Variants in EPC2 observed in about 807,000 individuals in gnomAD.
EPC2 encodes the protein enhancer of polycomb 2, also known as enhancer of polycomb homolog 2.
Under a neutral mutation model 92.1 loss-of-function variants are expected in EPC2, and 14 were observed. The observed-to-expected ratio is 0.15, with a 90% CI of 0.10 to 0.24. The LOEUF (loss-of-function observed/expected upper bound fraction) is 0.24. Among genes scored for constraint, EPC2 ranks in the 10% least tolerant of loss-of-function variants. The pLI, the probability that EPC2 is intolerant of heterozygous loss-of-function variation, is 1.00. For synonymous variants in EPC2, 340 were observed against 334.7 expected (o/e 1.02, Z -0.17); for missense variants, 755 against 971.5 (o/e 0.78, Z 2.96).
intron 2 of EPC2, among the ~76,000 whole-genome samples, chr2:148,707,727 A>G (rs1171025631): frequency 6.6e-6 from 1 of 152,226 alleles, no homozygotes; most frequent in Non-Finnish European, 1.5e-5. Context: ...TGGAAACTGA[A>G]CAACCTGCTC....
intron 1 of EPC2, among the ~76,000 whole-genome samples, chr2:148,673,102 C>G (rs1469018351): frequency 6.6e-6 from 1 of 152,144 alleles, no homozygotes; most frequent in Non-Finnish European, 1.5e-5. Context: ...TTTTCTCTTA[C>G]TTTCAAGATT....
At chr2:148,722,610 C>T (rs755607854) in intron 2 of EPC2, among the ~76,000 whole-genome samples, 1 of 152,112 alleles carries the variant, frequency 6.6e-6, no homozygotes, top group Non-Finnish European at 1.5e-5. Context: ...GTGGAAGCAG[C>T]GTAGCGATTT....
chr2:148,691,441 A>G (rs1681642151), intron 2 of EPC2: 2 of 1,398,486 alleles, frequency 1.4e-6, no homozygotes, highest in South Asian at 2.5e-5. Flanking sequence ...GTATTTTTAA[A>G]GAGTTCCCTG....
intron 1 of EPC2, among the ~76,000 whole-genome samples, chr2:148,676,526 A>C (rs945527958): frequency 6.6e-6 from 1 of 152,156 alleles, no homozygotes; most frequent in African/African-American, 2.4e-5. Flanking sequence ...CACAGAAAAA[A>C]ATAACAATCA....
rs561820060 is a variant in EPC2, at chr2:148,767,622, A to G, written c.1141-1529A>G. 3.9e-5 allele frequency among the ~76,000 whole-genome samples: 6 copies of G among 152,346 alleles called. No individual in the cohort carries two copies. In the East Asian group the frequency reaches 5.8e-4, roughly 15 times the overall value. ...AAGTAATCATATTTTTCTTTGTCTA[A>G]TAAACCAAGAACAAGGAATAGGGAG... is the stretch of plus-strand genomic sequence containing the variant. On this transcript the variant is annotated intron_variant, in intron 7 of 13. Transcript: ENST00000258484.
chr2:148,706,187 G>A (rs1007713254), intron 2 of EPC2, among the ~76,000 whole-genome samples: 2 of 152,134 alleles, frequency 1.3e-5, no homozygotes, highest in African/African-American at 2.4e-5. Flanking sequence ...ACCATGGCAC[G>A]AGAGCTTCGT....
At chr2:148,659,501 T>C (rs960354267) in intron 1 of EPC2, among the ~76,000 whole-genome samples, 8 of 152,170 alleles carry the variant, frequency 5.3e-5, no homozygotes, top group African/African-American at 9.6e-5. Context: ...ATTTTACTTA[T>C]TGATACTTTG....
chr2:148,786,197 T>C lies in EPC2; in HGVS notation c.2352-108T>C, dbSNP rs947216042. The C allele has an allele frequency of 7.8e-6, 7 of 894,024 alleles. No individual in the cohort carries two copies. In the African/African-American group the frequency reaches 1.2e-4, roughly 15 times the overall value. 55.4% of individuals were successfully genotyped at this position (894,024 alleles called of 1,614,324 possible). Reference sequence around the variant, plus strand: ...AAAAATGGGAATTGTTCTTGTGAAGTCATGTTTAGTTGTAATTATGTAACA... The same window carrying C: ...AAAAATGGGAATTGTTCTTGTGAAGCCATGTTTAGTTGTAATTATGTAACA... On this transcript the variant is annotated intron_variant, in intron 13 of 13. Coordinates refer to ENST00000258484, the MANE Select transcript of EPC2 (RefSeq NM_015630.4).
chr2:148,782,579 G>GA (rs1223439864), intron 11 of EPC2, among the ~76,000 whole-genome samples: 1 of 151,736 alleles, frequency 6.6e-6, no homozygotes, highest in Non-Finnish European at 1.5e-5. Flanking sequence ...TTAAAATGAA[G>GA]AAGAAAATTG....
At chr2:148,726,966 A>G (rs2105394885) in intron 2 of EPC2, among the ~76,000 whole-genome samples, 1 of 151,170 alleles carries the variant, frequency 6.6e-6, no homozygotes, top group South Asian at 2.1e-4. Flanking sequence ...TTTCTTTGTT[A>G]CTGGTGCTTT....
intron 4 of EPC2, among the ~76,000 whole-genome samples, chr2:148,756,572 T>G (rs1483144213): frequency 6.6e-6 from 1 of 152,254 alleles, no homozygotes; most frequent in Non-Finnish European, 1.5e-5. Context: ...GTCGCTGAAC[T>G]AATATTTAAT....
In EPC2 at chr2:148,664,264, C is replaced by T. The variant is rs369680615; in HGVS notation, c.153+19094C>T. Among the ~76,000 whole-genome samples the T allele has an allele frequency of 1.1e-4, 17 of 152,126 alleles. No homozygotes were observed. The East Asian group carries it at 1.9e-3, about 17-fold the overall frequency. Reference sequence around the variant, plus strand: ...CTGTAATCCCAGCAGTTTGGGAGGCCGAGGTGGGTGGATTGCTCGAGTCCA... The same window carrying T: ...CTGTAATCCCAGCAGTTTGGGAGGCTGAGGTGGGTGGATTGCTCGAGTCCA... On this transcript the variant is annotated intron_variant, in intron 1 of 13. Transcript: ENST00000258484.
At chr2:148,783,360 A>C (rs890783421) in intron 11 of EPC2, among the ~76,000 whole-genome samples, 2 of 152,244 alleles carry the variant, frequency 1.3e-5, no homozygotes, top group African/African-American at 4.8e-5. Context: ...TTAATAGAAC[A>C]TTAAAGCCTT....
At chr2:148,737,078 G>A (rs552999760) in intron 2 of EPC2, among the ~76,000 whole-genome samples, 67 of 152,310 alleles carry the variant, frequency 4.4e-4, no homozygotes, top group African/African-American at 1.6e-3. Flanking sequence ...AGCCTGGGCA[G>A]CAGAGCAAGA....
intron 2 of EPC2, among the ~76,000 whole-genome samples, chr2:148,693,087 A>G (rs1212312022): frequency 6.6e-6 from 1 of 152,160 alleles, no homozygotes; most frequent in Non-Finnish European, 1.5e-5. Flanking sequence ...TATTGGACTT[A>G]AGATTATCTG....
At chr2:148,735,401 A>G (rs1163846848) in intron 2 of EPC2, among the ~76,000 whole-genome samples, 1 of 151,980 alleles carries the variant, frequency 6.6e-6, no homozygotes, top group African/African-American at 2.4e-5. Flanking sequence ...CACAAAAGAG[A>G]AGTTAAACAT....
chr2:148,677,992 C>T (rs888657403), intron 1 of EPC2, among the ~76,000 whole-genome samples: 2 of 152,124 alleles, frequency 1.3e-5, no homozygotes, highest in African/African-American at 2.4e-5. Flanking sequence ...GGGACCCGAG[C>T]GGGTTGCCAC....
At chr2:148,769,099 A>G in intron 7 of EPC2, 52 bp from the exon 8 acceptor site, 1 of 1,167,214 alleles carries the variant, frequency 8.6e-7, no homozygotes, top group Admixed American at 1.9e-5. Context: ...TATTACAAAC[A>G]TTGATCTATT....
intron 6 of EPC2, among the ~76,000 whole-genome samples, 160 bp from the exon 7 acceptor site, chr2:148,764,795 T>G (rs892895246): frequency 2.0e-5 from 3 of 152,218 alleles, no homozygotes; most frequent in African/African-American, 7.2e-5. Context: ...AAGTAAAACA[T>G]GTTTCAATTT....
Sources: gnomAD v4.1 joint callset for allele counts (sites outside exome capture counted in the v4.1 genomes callset) on GRCh38, gnomAD v4.1.1 for gene constraint, MANE v1.5 for transcripts, NCBI Gene and HGNC (gene_info 2026-07-23, HGNC 2026-07-21) for gene names.